Variants in ZBTB11 observed in about 807,000 individuals in gnomAD.
ZBTB11 encodes the protein zinc finger and BTB domain-containing protein 11.
Under a neutral mutation model 113.1 loss-of-function variants are expected in ZBTB11, and 68 were observed. The observed-to-expected ratio is 0.60, with a 90% CI of 0.49 to 0.74. ZBTB11 has a LOEUF of 0.74. ZBTB11 is among the 30% of genes least tolerant of loss of function. The pLI is 0.00. For synonymous variants in ZBTB11, 518 were observed against 452.6 expected (o/e 1.14, Z -1.83); for missense variants, 1,104 against 1,279.4 (o/e 0.86, Z 2.09).
chr3:101,662,901 C>T (rs368684913), intron 5 of ZBTB11, among the ~76,000 whole-genome samples: 30 of 151,638 alleles, frequency 2.0e-4, no homozygotes, highest in African/African-American at 7.3e-4. Flanking sequence ...ATAGCTGGGA[C>T]TACAGGTGTG....
rs752952881 is a variant in ZBTB11 at position 101,672,203 on chromosome 3, C to T, written c.321G>A (p.Lys107=). ...SKTYWWRGIL[K]QVKDYIKQCS... ...ACTGTTTAATGTAATCTTTGACTTG[C>T]TTCAATATACCTACAATGAAAATAT... The change falls in exon 2 of 11, where the codon AAG becomes AAA. Residue 107 remains lysine (K), a synonymous_variant. Coordinates refer to ENST00000312938, the MANE Select transcript of ZBTB11 (RefSeq NM_014415.4). 1 of 1,597,402 alleles carries T rather than the reference C, an allele frequency of 6.3e-7. No individual in the cohort carries two copies. Among genetic ancestry groups the T allele is most frequent in the Admixed American group, 1.7e-5 (1 of 57,148 alleles).
Position 101,677,091 on chromosome 3 carries a change from G to A in ZBTB11, c.-177C>T. ...GAAAAGCGGGCGAGTTGGTAACCAGGGGGAACTGCACTTCTCCAGCGCGCG... is the reference window on the plus strand; with the variant it reads ...GAAAAGCGGGCGAGTTGGTAACCAGAGGGAACTGCACTTCTCCAGCGCGCG... On this transcript the variant is annotated 5_prime_UTR_variant, in exon 1 of 11. Transcript: ENST00000312938. 1.5e-6 allele frequency: 1 copy of A among 680,962 alleles called. No homozygotes were observed. Among genetic ancestry groups the A allele is most frequent in the South Asian group, 2.2e-5 (1 of 46,132 alleles). 42.2% of individuals were successfully genotyped at this position (680,962 alleles called of 1,614,324 possible).
At position 101,656,198 on chromosome 3, in the gene ZBTB11, ACT is replaced by A. The variant is rs1936794893; in HGVS notation, c.2095_2096del (p.Leu700SerfsTer10). 6.3e-7 allele frequency: 1 copy of A among 1,599,554 alleles called. No homozygotes were observed. Among genetic ancestry groups the A allele is most frequent in the Non-Finnish European group, 8.5e-7 (1 of 1,173,652 alleles). ...IYKHGLKLHQ[S>X]LHQSQKQFQC... is the part of the protein sequence containing the mutation. ...GGAACTGCTTCTGTGATTGATGAAG[ACT>A]CTGATGTAATTTTAGACCATGCTTA... On this transcript the variant is annotated frameshift_variant, in exon 7 of 11. Coordinates refer to ENST00000312938, the MANE Select transcript of ZBTB11 (RefSeq NM_014415.4). LOFTEE classifies it high-confidence loss of function.
intron 5 of ZBTB11, among the ~76,000 whole-genome samples, chr3:101,663,585 G>A (rs902459872): frequency 6.6e-6 from 1 of 152,016 alleles, no homozygotes; most frequent in Non-Finnish European, 1.5e-5. Context: ...CTATATCCTG[G>A]GACTTGAGTA....
At chr3:101,671,020 T>C (rs9837549) in intron 3 of ZBTB11, 110 bp downstream of exon 3, 837,592 of 838,122 alleles carry the variant, frequency 1, 418,532 homozygotes, top group Middle Eastern at 1. Flanking sequence ...CTACTGTTGT[T>C]AGTGGGCTTC....
intron 6 of ZBTB11, among the ~76,000 whole-genome samples, chr3:101,658,413 G>A (rs1936833823): frequency 6.6e-6 from 1 of 151,962 alleles, no homozygotes; most frequent in African/African-American, 2.4e-5. Context: ...TTTTAGTAGA[G>A]ATGGCCAGGA....
chr3:101,667,852 C>G (rs1559987245), intron 3 of ZBTB11, among the ~76,000 whole-genome samples: 1 of 152,092 alleles, frequency 6.6e-6, no homozygotes, highest in Non-Finnish European at 1.5e-5. Context: ...ATCCAGCAAT[C>G]CCACTACTGG....
chr3:101,676,615 G>C lies in ZBTB11; in HGVS notation c.300C>G (p.Tyr100Ter), dbSNP rs763108185. 2 of 1,509,770 alleles carry C rather than the reference G, an allele frequency of 1.3e-6. No homozygotes were observed. The highest frequency in any genetic ancestry group is 1.3e-5 in the South Asian group (1 of 76,182). 93.5% of individuals were successfully genotyped at this position (1,509,770 alleles called of 1,614,324 possible). ...CGGGCTAGGTCTCACCTCGCCACCA[G>C]TACGTCTTGGACAAGTAGTGCCAGG... Reference protein sequence around the residue: ...HQTWHYLSKTYWWRGILKQVK... With the variant: ...HQTWHYLSKT Residue 100 changes from tyrosine (Y) to a stop codon, truncating the protein, a stop_gained, in exon 1 of 11, where the codon TAC becomes TAG. Transcript: ENST00000312938. LOFTEE classifies it high-confidence loss of function.
intron 3 of ZBTB11, among the ~76,000 whole-genome samples, chr3:101,666,935 G>C (rs1185248008): frequency 6.6e-6 from 1 of 152,136 alleles, no homozygotes; most frequent in Non-Finnish European, 1.5e-5. Flanking sequence ...ATTTTTAGTA[G>C]AGACGGGGTT....
In ZBTB11 at chr3:101,671,354, G is replaced by A. The variant is rs1937082637; in HGVS notation, c.554C>T (p.Thr185Ile). 1 of 1,613,502 alleles carries A rather than the reference G, an allele frequency of 6.2e-7. No homozygotes were observed. The highest frequency in any genetic ancestry group is 1.1e-5 in the South Asian group (1 of 91,064). The change falls in exon 3 of 11, where the codon ACC becomes ATC. Residue 185 changes from threonine to isoleucine, a missense_variant. By Grantham distance (89) the Thr-to-Ile change is moderately conservative (BLOSUM62 -1). This residue lies in a region of ZBTB11 where 245 missense variants were observed against 272.5 expected (regional missense o/e 0.90). Coordinates refer to ENST00000312938, the MANE Select transcript of ZBTB11 (RefSeq NM_014415.4). ...VSKHELVFVD[T>I]KGVVKRSSPK... ...AGAAGAACGTTTTACCACTCCTTTGGTGTCAACCTGTCAAAATAAGTTTGA... is the reference window on the plus strand; with the variant it reads ...AGAAGAACGTTTTACCACTCCTTTGATGTCAACCTGTCAAAATAAGTTTGA...
intron 6 of ZBTB11, among the ~76,000 whole-genome samples, chr3:101,656,478 A>C (rs1412743733): frequency 6.6e-6 from 1 of 152,200 alleles, no homozygotes; most frequent in Non-Finnish European, 1.5e-5. Context: ...TGATCACCAG[A>C]GATTCTCAAA....
At chr3:101,658,650 G>A (rs1936838224) in intron 6 of ZBTB11, among the ~76,000 whole-genome samples, 1 of 152,146 alleles carries the variant, frequency 6.6e-6, no homozygotes, top group African/African-American at 2.4e-5. Flanking sequence ...TACTCTAAAT[G>A]AAGTAACTTA....
chr3:101,654,938 C>T (rs1001783857), intron 7 of ZBTB11, 117 bp from the exon 8 acceptor site: 6 of 716,776 alleles, frequency 8.4e-6, no homozygotes, highest in Non-Finnish European at 1.4e-5. Context: ...AGTGCAGTGG[C>T]GTGATCTCGG....
At chr3:101,656,433 A>G (rs1936799821) in intron 6 of ZBTB11, among the ~76,000 whole-genome samples, 185 bp from the exon 7 acceptor site, 1 of 152,192 alleles carries the variant, frequency 6.6e-6, no homozygotes, top group South Asian at 2.1e-4. Flanking sequence ...CTGATTCAGT[A>G]TTCAACAAAT....
intron 8 of ZBTB11, 132 bp downstream of exon 8, chr3:101,654,572 A>G: frequency 1.4e-6 from 1 of 707,114 alleles, no homozygotes; most frequent in East Asian, 2.7e-5. Context: ...GTAACCCTTA[A>G]GCAAGAAAAA....
At chr3:101,655,070 GT>G (rs1045392734) in intron 7 of ZBTB11, among the ~76,000 whole-genome samples, 3 of 152,098 alleles carry the variant, frequency 2.0e-5, no homozygotes, top group African/African-American at 7.2e-5. Flanking sequence ...GTAGAGACGG[GT>G]TTCACCATGT....
chr3:101,671,198 T>A lies in ZBTB11; in HGVS notation c.710A>T (p.Glu237Val). 2 of 1,614,190 alleles carry A rather than the reference T, an allele frequency of 1.2e-6. No homozygotes were observed. The highest frequency in any genetic ancestry group is 2.2e-5 in the South Asian group (2 of 91,084). Reference protein sequence around the residue: ...AHKSVLSANSEYFRDLFIEKG... With the variant: ...AHKSVLSANSVYFRDLFIEKG... ...CTCAATAAAAAGATCTCGAAAATAC[T>A]CGCTATTTGCTGACAAAACAGATTT... Residue 237 changes from glutamate (E) to valine (V), a missense_variant, in exon 3 of 11, where the codon GAG becomes GTG. Transcript: ENST00000312938.
chr3:101,667,925 A>G lies in ZBTB11; in HGVS notation c.779-2117T>C, dbSNP rs151278790. ...ACCTGCACCCCACGTTTACTGCAGC[A>G]CTACTCACAATAGCCAAGAAATGAA... is the stretch of plus-strand genomic sequence containing the variant. On this transcript the variant is annotated intron_variant, in intron 3 of 10. Transcript: ENST00000312938. Among the ~76,000 whole-genome samples, 193 of 152,294 alleles carry G rather than the reference A, an allele frequency of 1.3e-3. 1 individual carries two copies. Among genetic ancestry groups the G allele is most frequent in the African/African-American group, 4.4e-3 (183 of 41,558 alleles).
At chr3:101,668,620 C>A (rs1437336105) in intron 3 of ZBTB11, among the ~76,000 whole-genome samples, 1,072 of 116,662 alleles carry the variant, frequency 9.2e-3, no homozygotes, top group Admixed American at 0.011. Context: ...AAGATTCTGT[C>A]AAAAAAAAAA....
Sources: gnomAD v4.1 joint callset for allele counts (sites outside exome capture counted in the v4.1 genomes callset) on GRCh38, gnomAD v4.1.1 for gene constraint, gnomAD v4.1.1 regional missense constraint, MANE v1.5 for transcripts, NCBI Gene and HGNC (gene_info 2026-07-23, HGNC 2026-07-21) for gene names.